Variants in COA1 observed in about 807,000 individuals in gnomAD.
COA1 encodes cytochrome c oxidase assembly factor 1.
A neutral mutation model predicts 16.0 loss-of-function variants in COA1; 13 were observed. The ratio of observed to expected loss-of-function variants is 0.81; its 90% CI spans 0.53 to 1.29. The LOEUF is 1.29. COA1 is among the 50% of genes most tolerant of loss of function. The pLI is 0.00. For synonymous variants in COA1, 65 were observed against 65.7 expected (o/e 0.99, Z 0.05); for missense variants, 179 against 177.0 (o/e 1.01, Z -0.06).
At chr7:43,707,244 T>C (rs942125579) in intron 1 of COA1, among the ~76,000 whole-genome samples, 1 of 152,152 alleles carries the variant, frequency 6.6e-6, no homozygotes, top group Admixed American at 6.5e-5. Flanking sequence ...AATTAATAAA[T>C]ACAACATCAA....
chr7:43,683,574 C>T (rs1182275210), intron 1 of COA1, among the ~76,000 whole-genome samples: 1 of 151,962 alleles, frequency 6.6e-6, no homozygotes. Flanking sequence ...GTGAAGTTTG[C>T]AGTGAGTCAA....
At chr7:43,620,686 AAG>A (rs1554484576) in intron 6 of COA1, among the ~76,000 whole-genome samples, 2 of 151,922 alleles carry the variant, frequency 1.3e-5, no homozygotes, top group Admixed American at 1.3e-4. Flanking sequence ...AAAAAAAAAA[AAG>A]AATATTAATA....
At chr7:43,688,045 T>A (rs1296217200) in intron 1 of COA1, among the ~76,000 whole-genome samples, 2 of 152,234 alleles carry the variant, frequency 1.3e-5, no homozygotes, top group East Asian at 3.8e-4. Flanking sequence ...TTCCTCATTT[T>A]TCTCTTGCCA....
downstream of COA1, among the ~76,000 whole-genome samples, chr7:43,638,224 A>ATT (rs34750204): frequency 2.9e-5 from 4 of 138,694 alleles, no homozygotes; most frequent in Non-Finnish European, 6.3e-5. Context: ...GTTTAAGCTC[A>ATT]TTTTTTTTTT....
chr7:43,631,861 AG>A, intron 6 of COA1: 2 of 152,336 alleles, frequency 1.3e-5, no homozygotes, highest in East Asian at 3.9e-4. Context: ...TTCATACTGT[AG>A]TTTTTTTAAA....
chr7:43,657,396 T>C (rs2153140433), intron 1 of COA1: 1 of 152,330 alleles, frequency 6.6e-6, no homozygotes, highest in South Asian at 2.1e-4. Flanking sequence ...ATTTTGAAAA[T>C]TATGGTAAAA....
rs556420312 is a variant in COA1, at chr7:43,720,378, G to A, written c.-39+9051C>T. Among the ~76,000 whole-genome samples the A allele has an allele frequency of 3.9e-5, 6 of 151,982 alleles. No individual in the cohort carries two copies. The East Asian group carries it at 5.8e-4, about 15-fold the overall frequency. On this transcript the variant is annotated intron_variant, in intron 1 of 5. Coordinates refer to ENST00000223336, the MANE Select transcript of COA1 (RefSeq NM_018224.4). The stretch of plus-strand genomic sequence containing the variant: ...TCCCTGCCTTTCCTCTTTATTAAGC[G>A]TTTTATCTAAGTATGATGGACTAGA...
chr7:43,625,031 A>C (rs1365677599), intron 6 of COA1: 1 of 489,548 alleles, frequency 2.0e-6, no homozygotes, highest in East Asian at 3.4e-5. Flanking sequence ...CAGGAGATTT[A>C]ACAGGTACAG....
chr7:43,684,548 T>C (rs1451238493), intron 1 of COA1, among the ~76,000 whole-genome samples: 1 of 152,190 alleles, frequency 6.6e-6, no homozygotes, highest in Non-Finnish European at 1.5e-5. Context: ...CATATTCTAT[T>C]GGTCATAATC....
intron 1 of COA1, among the ~76,000 whole-genome samples, chr7:43,691,022 A>T (rs1317010756): frequency 1.4e-5 from 2 of 138,302 alleles, no homozygotes; most frequent in Non-Finnish European, 1.5e-5. Context: ...GTTAAAGACC[A>T]GCCTGGGCAA....
At chr7:43,658,325 C>T (rs1223015143) in intron 1 of COA1, among the ~76,000 whole-genome samples, 1 of 151,684 alleles carries the variant, frequency 6.6e-6, no homozygotes, top group Non-Finnish European at 1.5e-5. Context: ...CGCCACTGCA[C>T]TCCAGCCTGG....
At chr7:43,637,940 C>CAGAT (rs1449973130), downstream of COA1, among the ~76,000 whole-genome samples, 2 of 152,108 alleles carry the variant, frequency 1.3e-5, no homozygotes, top group African/African-American at 2.4e-5. Flanking sequence ...AGAGAACAGA[C>CAGAT]AGATAGGAAG....
Position 43,685,751 on chromosome 7 carries a change from C to G in COA1, c.-38-37099G>C, listed in dbSNP as rs551101811. Among the ~76,000 whole-genome samples the G allele has an allele frequency of 4.6e-5, 7 of 152,212 alleles. No individual in the cohort carries two copies. In the South Asian group the frequency reaches 1.5e-3, roughly 32 times the overall value. On this transcript the variant is annotated intron_variant, in intron 1 of 5. Transcript: ENST00000223336. ...ACAAACTGTCTCACCAAATTAACAC[C>G]ACAACCTTCATTAGCAGCCAAGAAG... is the stretch of plus-strand genomic sequence containing the variant.
At chr7:43,665,989 G>A (rs757754036) in intron 1 of COA1, among the ~76,000 whole-genome samples, 5 of 152,140 alleles carry the variant, frequency 3.3e-5, no homozygotes, top group South Asian at 2.1e-4. Flanking sequence ...TCAATGTGCT[G>A]CATGATACCC....
At chr7:43,711,114 A>G (rs1054655593) in intron 1 of COA1, among the ~76,000 whole-genome samples, 1 of 152,086 alleles carries the variant, frequency 6.6e-6, no homozygotes, top group Non-Finnish European at 1.5e-5. Flanking sequence ...GTGCAGTGAC[A>G]GCAGAAATCT....
At chr7:43,619,417 G>A (rs1185036018) in intron 6 of COA1, among the ~76,000 whole-genome samples, 1 of 152,140 alleles carries the variant, frequency 6.6e-6, no homozygotes, top group African/African-American at 2.4e-5. Context: ...ATACAAGAGA[G>A]TACAGGCCTG....
intron 1 of COA1, among the ~76,000 whole-genome samples, chr7:43,725,042 C>G (rs2095585815): frequency 6.6e-6 from 1 of 152,130 alleles, no homozygotes; most frequent in Admixed American, 6.5e-5. Context: ...AGTTCAAGAC[C>G]AGCATGACCA....
At chr7:43,713,979 T>C (rs2095325225) in intron 1 of COA1, among the ~76,000 whole-genome samples, 1 of 149,316 alleles carries the variant, frequency 6.7e-6, no homozygotes, top group African/African-American at 2.5e-5. Context: ...AAGGTTGCAG[T>C]GAGCCGAGAT....
intron 1 of COA1, among the ~76,000 whole-genome samples, chr7:43,728,154 T>C (rs1481869381): frequency 1.3e-5 from 2 of 152,080 alleles, no homozygotes; most frequent in Non-Finnish European, 2.9e-5. Flanking sequence ...TTTTGTATTT[T>C]TAGTGGAGAC....
Sources: allele counts gnomAD v4.1 joint callset (sites outside exome capture counted in the v4.1 genomes callset), GRCh38; gene constraint gnomAD v4.1.1; transcripts MANE v1.5; gene names NCBI Gene and HGNC (gene_info 2026-07-23, HGNC 2026-07-21).